PDE4D: variants seen among roughly 807,000 people sequenced by gnomAD.
PDE4D encodes the protein phosphodiesterase 4D, also known as 3',5'-cyclic-AMP phosphodiesterase 4D.
PDE4D carries 24 observed loss-of-function variants against 87.4 expected under a neutral mutation model. The observed-to-expected ratio is 0.27, with a 90% CI of 0.20 to 0.39. The LOEUF (loss-of-function observed/expected upper bound fraction) is 0.39, where lower values mean the gene tolerates loss of function less well. Ranked by LOEUF, PDE4D falls within the 10% of genes least tolerant of loss-of-function variation. The pLI, the probability that PDE4D is intolerant of heterozygous loss-of-function variation, is 1.00. For missense variants in PDE4D, 714 were observed against 1,041.0 expected, an observed-to-expected ratio of 0.69 and a Z score of 4.32; for synonymous variants, 384 against 383.2, an observed-to-expected ratio of 1.00 and a Z score of -0.02.
At chr5:59,740,344 T>C (rs1758658327) in intron 1 of PDE4D, among the ~76,000 whole-genome samples, 1 of 152,146 alleles carries the variant, frequency 6.6e-6, no homozygotes, top group African/African-American at 2.4e-5. Flanking sequence ...CAGTCATCCT[T>C]TTTTTTCTTG....
intron 1 of PDE4D, among the ~76,000 whole-genome samples, chr5:59,388,715 A>G (rs937698375): frequency 6.6e-6 from 1 of 151,928 alleles, no homozygotes; most frequent in African/African-American, 2.4e-5. Context: ...TTTATTTTGG[A>G]TAGAATGGAC....
intron 1 of PDE4D, among the ~76,000 whole-genome samples, chr5:60,360,222 T>C (rs1355996298): frequency 1.3e-5 from 2 of 152,180 alleles, no homozygotes; most frequent in African/African-American, 4.8e-5. Context: ...TTTGAAGTCA[T>C]GTACCAAAAA....
rs538141801 is a variant in PDE4D at position 60,220,492 on chromosome 5, A to G, written c.-89-34805T>C. 4.6e-5 allele frequency among the ~76,000 whole-genome samples: 7 copies of G among 152,188 alleles called. No homozygotes were observed. The South Asian group carries it at 1.5e-3, about 32-fold the overall frequency. ...TGATGCCTGAGTTCTTCACCCAACT[A>G]TCCTGATTTTATTGGTCTAGTAAGG... On this transcript the variant is annotated intron_variant, in intron 1 of 16. Transcript: ENST00000502484.
chr5:59,603,734 T>C (rs1355960265), intron 1 of PDE4D, among the ~76,000 whole-genome samples: 1 of 152,008 alleles, frequency 6.6e-6, no homozygotes, highest in Non-Finnish European at 1.5e-5. Flanking sequence ...GAATGGTAAT[T>C]ACCAGGGGCT....
intron 1 of PDE4D, among the ~76,000 whole-genome samples, chr5:59,875,814 A>G (rs1481602814): frequency 6.6e-6 from 1 of 152,212 alleles, no homozygotes; most frequent in Non-Finnish European, 1.5e-5. Context: ...ATGCAGGGAC[A>G]TGAATGGAGC....
At chr5:60,033,213 T>C (rs1240201324) in intron 2 of PDE4D, among the ~76,000 whole-genome samples, 1 of 152,084 alleles carries the variant, frequency 6.6e-6, no homozygotes, top group Non-Finnish European at 1.5e-5. Context: ...GAGAAACGAG[T>C]GACATTTATT....
At chr5:60,468,143 T>C (rs1278744304) in intron 1 of PDE4D, among the ~76,000 whole-genome samples, 2 of 149,784 alleles carry the variant, frequency 1.3e-5, no homozygotes, top group Non-Finnish European at 3.0e-5. Flanking sequence ...TTTTCTTTTT[T>C]TTTTGTTTTT....
intron 3 of PDE4D, among the ~76,000 whole-genome samples, chr5:59,949,428 G>C (rs1312334830): frequency 2.6e-5 from 3 of 115,676 alleles, no homozygotes; most frequent in Non-Finnish European, 4.8e-5. Context: ...GCAAGACTCC[G>C]TCTCACAAAA....
At chr5:60,220,476 A>T (rs1203348647) in intron 1 of PDE4D, among the ~76,000 whole-genome samples, 1 of 152,130 alleles carries the variant, frequency 6.6e-6, no homozygotes, top group East Asian at 1.9e-4. Flanking sequence ...CTGATGCCTG[A>T]GTTCTTCACC....
chr5:59,386,539 G>C (rs1787042517), intron 1 of PDE4D, among the ~76,000 whole-genome samples: 1 of 86,666 alleles, frequency 1.2e-5, no homozygotes, highest in African/African-American at 3.4e-5. Context: ...TTGGGCCTGG[G>C]CATGGTGGCT....
Position 59,817,745 on chromosome 5 carries a change from C to T in PDE4D, c.455+75423G>A, listed in dbSNP as rs183279882. On this transcript the variant is annotated intron_variant, in intron 1 of 14. Coordinates refer to ENST00000340635, the MANE Select transcript of PDE4D (RefSeq NM_001104631.2). ...GCGCGCGCGCGCACACACCCACACC[C>T]CCCCCCACACACACACAGAAAGGCC... 3.4e-4 allele frequency among the ~76,000 whole-genome samples: 51 copies of T among 150,392 alleles called. No individual in the cohort carries two copies. The East Asian group carries it at 9.0e-3, about 26-fold the overall frequency.
chr5:58,969,062 T>G lies in PDE4D; in HGVS notation c.*5602A>C, dbSNP rs909752427. On this transcript the variant is annotated 3_prime_UTR_variant, in exon 15 of 15. Coordinates refer to ENST00000340635, the MANE Select transcript of PDE4D (RefSeq NM_001104631.2). Reference sequence around the variant, plus strand: ...GTTTTTATGGTATCAAGTTAAAAACTCTTTAATATCTCAAAATATCTTATC... The same window carrying G: ...GTTTTTATGGTATCAAGTTAAAAACGCTTTAATATCTCAAAATATCTTATC... 2.0e-5 allele frequency: 3 copies of G among 152,224 alleles called. No individual in the cohort carries two copies. The highest frequency in any genetic ancestry group is 7.2e-5 in the African/African-American group (3 of 41,466). 9.4% of individuals were successfully genotyped at this position (152,224 alleles called of 1,614,324 possible). A position where few individuals can be genotyped will look rare whatever the true frequency, so the allele number is the denominator to read the frequency against.
intron 1 of PDE4D, among the ~76,000 whole-genome samples, chr5:60,387,410 G>A (rs1237607754): frequency 2.6e-5 from 4 of 152,160 alleles, no homozygotes; most frequent in African/African-American, 9.7e-5. Context: ...CCAACTCCCT[G>A]TGCTCACCAG....
At chr5:60,343,322 A>C (rs1425573499) in intron 1 of PDE4D, among the ~76,000 whole-genome samples, 1 of 152,154 alleles carries the variant, frequency 6.6e-6, no homozygotes, top group Non-Finnish European at 1.5e-5. Context: ...TGCTGAAATG[A>C]CTAGCAACCT....
In PDE4D at chr5:59,931,916, T is replaced by C. The variant is rs564686971; in HGVS notation, c.272+56572A>G. On this transcript the variant is annotated intron_variant, in intron 3 of 16. Coordinates refer to the PDE4D transcript ENST00000502484. Reference sequence around the variant, plus strand: ...TGGGGTTTCACCGTGTTAGCCAGGATGGTCTTGATCTCCTGACCTCGTAAT... The same window carrying C: ...TGGGGTTTCACCGTGTTAGCCAGGACGGTCTTGATCTCCTGACCTCGTAAT... Among the ~76,000 whole-genome samples, 65 of 152,240 alleles carry C rather than the reference T, an allele frequency of 4.3e-4. No individual in the cohort carries two copies. The South Asian group carries it at 0.013, about 31-fold the overall frequency.
chr5:59,314,051 C>T (rs978024446), intron 1 of PDE4D: 2 of 152,080 alleles, frequency 1.3e-5, no homozygotes, highest in African/African-American at 4.8e-5. Flanking sequence ...AATGCTAGCT[C>T]AGCATAAGGT....
intron 1 of PDE4D, among the ~76,000 whole-genome samples, chr5:59,445,837 T>C (rs1366314161): frequency 6.6e-6 from 1 of 152,220 alleles, no homozygotes; most frequent in Non-Finnish European, 1.5e-5. Context: ...CACAATATAA[T>C]TTCTTTTTGA....
intron 2 of PDE4D, among the ~76,000 whole-genome samples, chr5:60,179,152 G>A (rs1455799346): frequency 1.3e-5 from 2 of 152,052 alleles, no homozygotes; most frequent in African/African-American, 2.4e-5. Flanking sequence ...TATAAGTAGG[G>A]CGGTATCCCT....
intron 1 of PDE4D, among the ~76,000 whole-genome samples, chr5:60,261,936 A>G (rs1309959391): frequency 1.3e-5 from 2 of 152,080 alleles, no homozygotes; most frequent in Non-Finnish European, 2.9e-5. Flanking sequence ...ACCTGTTGGC[A>G]CTAATCATGT....
Sources: allele counts gnomAD v4.1 joint callset (sites outside exome capture counted in the v4.1 genomes callset), GRCh38; gene constraint gnomAD v4.1.1; transcripts MANE v1.5; gene names NCBI Gene and HGNC (gene_info 2026-07-23, HGNC 2026-07-21).